Variants in ABCA5 observed in about 807,000 individuals in gnomAD.
ABCA5 encodes cholesterol transporter ABCA5.
A neutral mutation model predicts 206.0 loss-of-function variants in ABCA5; 163 were observed. The ratio of observed to expected loss-of-function variants is 0.79; its 90% CI spans 0.70 to 0.90. The LOEUF is 0.90. Among genes scored for constraint, ABCA5 ranks in the 40% least tolerant of loss-of-function variants. The pLI is 0.00. For synonymous variants in ABCA5, 609 were observed against 613.8 expected (o/e 0.99, Z 0.11); for missense variants, 1,859 against 1,912.9 (o/e 0.97, Z 0.53).
In ABCA5 at chr17:69,294,790, T is replaced by C. The variant is rs558640549; in HGVS notation, c.1437-77A>G. ...TGTGTTTATTTACCATGCATATTTTTATCAATGCTATCACATTTTATAAGA... is the reference window on the plus strand; with the variant it reads ...TGTGTTTATTTACCATGCATATTTTCATCAATGCTATCACATTTTATAAGA... On this transcript the variant is annotated intron_variant, in intron 10 of 38. Transcript: ENST00000392676. 58 of 826,816 alleles carry C rather than the reference T, an allele frequency of 7.0e-5. 1 individual carries two copies. The South Asian group carries it at 1.1e-3, about 15-fold the overall frequency. The allele number at this position is 826,816 out of a possible 1,614,324, so 51.2% of individuals were successfully genotyped here.
chr17:69,269,379 G>A (rs2075246567), intron 22 of ABCA5, among the ~76,000 whole-genome samples: 1 of 152,124 alleles, frequency 6.6e-6, no homozygotes, highest in South Asian at 2.1e-4. Flanking sequence ...TTGGATAGTA[G>A]GTGGTTCGTT....
At position 69,253,592 on chromosome 17, in the gene ABCA5, T is replaced by C. The variant is rs2144895079; in HGVS notation, c.4396A>G (p.Lys1466Glu). 6.2e-7 allele frequency: 1 copy of C among 1,613,678 alleles called. No individual in the cohort carries two copies. The highest frequency in any genetic ancestry group is 1.1e-5 in the South Asian group (1 of 91,072). The stretch of plus-strand genomic sequence containing the variant: ...ACTCACCACATGTGCTGTTTGGCTT[T>C]GGGATCCATACCTGTAGATGGTTCA... ...LDEPSTGMDP[K>E]AKQHMWRAIR... Residue 1466 changes from lysine to glutamate, a missense_variant, in exon 34 of 39, where the codon AAA (lysine) becomes GAA (glutamate). Lys to Glu is a moderately conservative substitution (Grantham distance 56). Transcript: ENST00000392676.
chr17:69,288,950 C>T (rs1008661678), intron 14 of ABCA5, among the ~76,000 whole-genome samples: 23 of 152,034 alleles, frequency 1.5e-4, no homozygotes, highest in African/African-American at 5.3e-4. Context: ...ATAATTCATC[C>T]ATGTAACCAA....
intron 8 of ABCA5, among the ~76,000 whole-genome samples, chr17:69,302,303 T>A (rs970960762): frequency 5.3e-5 from 8 of 152,198 alleles, no homozygotes; most frequent in Admixed American, 4.6e-4. Flanking sequence ...GGCCTACTTA[T>A]TCCACCACTA....
chr17:69,245,558 T>C lies in ABCA5; in HGVS notation c.*1979A>G, dbSNP rs1179365823. ...TTTCTCCTGAGTCAGATTTTGTTAC[T>C]GTGAAAAAGGGAACATAATTTAATT... is the stretch of plus-strand genomic sequence containing the variant. On this transcript the variant is annotated 3_prime_UTR_variant, in exon 39 of 39. Coordinates refer to ENST00000392676, the MANE Select transcript of ABCA5 (RefSeq NM_172232.4). 1 of 151,918 alleles carries C rather than the reference T, an allele frequency of 6.6e-6. No individual in the cohort carries two copies. The highest frequency in any genetic ancestry group is 1.5e-5 in the Non-Finnish European group (1 of 67,830). The allele number at this position is 151,918 out of a possible 1,614,324, so 9.4% of individuals were successfully genotyped here. A position where few individuals can be genotyped will look rare whatever the true frequency, so the allele number is the denominator to read the frequency against.
rs567599072 is a variant in ABCA5 at position 69,249,918 on chromosome 17, A to G, written c.4752T>C (p.Phe1584=). 6 of 1,553,686 alleles carry G rather than the reference A, an allele frequency of 3.9e-6. No homozygotes were observed. The East Asian group carries it at 1.4e-4, about 35-fold the overall frequency. Residue 1584 remains phenylalanine (F), a synonymous_variant, in exon 37 of 39, where the codon TTT becomes TTC. Transcript: ENST00000392676. ...GATACTACTTACCTTCTTCCAGCTT[A>G]AAAAAAGATTGTGAAAGGGACTGAA... ...EDVQSLSQSF[F]KLEEAKHAFA... is the part of the protein sequence containing the mutation.
intron 1 of ABCA5, chr17:69,318,831 G>T: frequency 2.8e-6 from 2 of 705,410 alleles, no homozygotes; most frequent in South Asian, 1.4e-5. Context: ...ATATTGTGGG[G>T]ATTTGATCCC....
In ABCA5 at chr17:69,247,553, T is replaced by C. The variant is rs762221848; in HGVS notation, c.4913A>G (p.Asp1638Gly). ...AATACAAATTCAAAATACTACTCTA[T>C]CTTCTTGTGTTCGTTCCCACCAAAG... ...STLWWERTQE[D>G]RVVF Residue 1638 changes from aspartate (D) to glycine (G), a missense_variant, in exon 39 of 39, where the codon GAT becomes GGT. By Grantham distance (94) the Asp-to-Gly change is moderately conservative (BLOSUM62 -1). Transcript: ENST00000392676. 4.4e-6 allele frequency: 7 copies of C among 1,604,198 alleles called. No individual in the cohort carries two copies. Among genetic ancestry groups the C allele is most frequent in the Admixed American group, 1.7e-5 (1 of 58,358 alleles).
chr17:69,279,141 C>T (rs911335274), intron 18 of ABCA5, among the ~76,000 whole-genome samples: 18 of 152,160 alleles, frequency 1.2e-4, no homozygotes, highest in South Asian at 2.1e-4. Flanking sequence ...AAAACCCCAT[C>T]GTCTCAGCCC....
chr17:69,312,794 G>A (rs1428938161), intron 3 of ABCA5, among the ~76,000 whole-genome samples: 2 of 151,980 alleles, frequency 1.3e-5, no homozygotes, highest in Non-Finnish European at 2.9e-5. Flanking sequence ...GAATCAAAAT[G>A]AAATAGCCCA....
At position 69,324,530 on chromosome 17, in the gene ABCA5, C is replaced by T. The variant is rs1034544647; in HGVS notation, c.-16+2522G>A. Among the ~76,000 whole-genome samples the T allele has an allele frequency of 4.6e-5, 7 of 152,346 alleles. 1 individual carries two copies. In the East Asian group the frequency reaches 1.3e-3, roughly 29 times the overall value. ...TTTGTGCACTCATATCTTTCCTCTA[C>T]TGTACTTTTCACAACTGTGAGTCAT... is the stretch of plus-strand genomic sequence containing the variant. On this transcript the variant is annotated intron_variant, in intron 1 of 38. Coordinates refer to ENST00000392676, the MANE Select transcript of ABCA5 (RefSeq NM_172232.4).
At position 69,277,678 on chromosome 17, in the gene ABCA5, AGAAAT is replaced by A. The variant is rs1351491533; in HGVS notation, c.2552_2556del (p.His851LeufsTer6). 2 of 1,611,780 alleles carry A rather than the reference AGAAAT, an allele frequency of 1.2e-6. No individual in the cohort carries two copies. The highest frequency in any genetic ancestry group is 1.7e-6 in the Non-Finnish European group (2 of 1,179,294). On this transcript the variant is annotated frameshift_variant, in exon 19 of 39. Transcript: ENST00000392676. LOFTEE classifies it high-confidence loss of function. ...GATTTACTTTCACGTTTCAAGGTAA[AGAAAT>A]GAAACTTTGCTATTGTATACATCTG...
At chr17:69,270,014 C>T (rs1381350552) in intron 22 of ABCA5, among the ~76,000 whole-genome samples, 6 of 151,906 alleles carry the variant, frequency 3.9e-5, no homozygotes, top group Non-Finnish European at 8.8e-5. Flanking sequence ...GATGACTGCA[C>T]AACTCTATAA....
At chr17:69,270,381 C>A (rs1174191782) in intron 22 of ABCA5, among the ~76,000 whole-genome samples, 1 of 151,994 alleles carries the variant, frequency 6.6e-6, no homozygotes, top group African/African-American at 2.4e-5. Flanking sequence ...ATAGAACACA[C>A]TTATTCCTTA....
chr17:69,287,832 G>C, intron 14 of ABCA5, 81 bp from the exon 15 acceptor site: 1 of 1,264,270 alleles, frequency 7.9e-7, no homozygotes, highest in African/African-American at 1.5e-5. Context: ...CTAAAAAACT[G>C]CCCCATTTCA....
In ABCA5 at chr17:69,271,229, A is replaced by AG; in HGVS notation, c.2824_2825insC (p.Ile942ThrfsTer2). The AG allele has an allele frequency of 6.2e-7, 1 of 1,613,568 alleles. No individual in the cohort carries two copies. Among genetic ancestry groups the AG allele is most frequent in the Non-Finnish European group, 8.5e-7 (1 of 1,179,662 alleles). ...CACGGATACATAGTCACTGTCATTAATCATCGTCACCATTATGTTCTGGCT... is the reference window on the plus strand; with the variant it reads ...CACGGATACATAGTCACTGTCATTAAGTCATCGTCACCATTATGTTCTGGCT... On this transcript the variant is annotated frameshift_variant, in exon 21 of 39. Coordinates refer to ENST00000392676, the MANE Select transcript of ABCA5 (RefSeq NM_172232.4). LOFTEE classifies it high-confidence loss of function.
At position 69,314,437 on chromosome 17, in the gene ABCA5, A is replaced by G; in HGVS notation, c.-15-7T>C. ...ACATGTTTTCTGAATAAACCTATTA[A>G]AGAGGAAAAACAAACAAACAAACCC... On this transcript the variant is annotated splice_region_variant and splice_polypyrimidine_tract_variant and intron_variant, in intron 1 of 38. Transcript: ENST00000392676. The G allele has an allele frequency of 1.3e-6, 2 of 1,551,232 alleles. No individual in the cohort carries two copies. The highest frequency in any genetic ancestry group is 1.8e-6 in the Non-Finnish European group (2 of 1,130,052).
chr17:69,313,117 T>C lies in ABCA5; in HGVS notation c.282A>G (p.Lys94=), dbSNP rs746359522. The change falls in exon 3 of 39, where the codon AAA becomes AAG. Residue 94 remains lysine, a synonymous_variant. Transcript: ENST00000392676. ...VTNITSSIMQ[K]VSTDHLPDVI... ...CATCAGGTAGATGATCAGTAGACAC[T>C]TTCTGCATGATGCTGCTTGTAATAT... The C allele has an allele frequency of 3.7e-6, 6 of 1,610,570 alleles. No individual in the cohort carries two copies. The highest frequency in any genetic ancestry group is 2.2e-5 in the South Asian group (2 of 90,484).
chr17:69,264,797 G>A lies in ABCA5; in HGVS notation c.3253C>T (p.Leu1085=). The change falls in exon 24 of 39, where the codon CTA becomes TTA. Residue 1085 remains leucine, a synonymous_variant. Coordinates refer to ENST00000392676, the MANE Select transcript of ABCA5 (RefSeq NM_172232.4). ...TAATGAAATGCCAATAAGCTTCCTAGCATCAAAATAAGAATGATAAAAAAT... is the reference window on the plus strand; with the variant it reads ...TAATGAAATGCCAATAAGCTTCCTAACATCAAAATAAGAATGATAAAAAAT... ...PLFFIILILM[L]GSLLAFHYGL... 1 of 1,596,820 alleles carries A rather than the reference G, an allele frequency of 6.3e-7. No homozygotes were observed. Among genetic ancestry groups the A allele is most frequent in the Non-Finnish European group, 8.5e-7 (1 of 1,171,876 alleles).
Sources: allele counts gnomAD v4.1 joint callset (sites outside exome capture counted in the v4.1 genomes callset), GRCh38; gene constraint gnomAD v4.1.1; transcripts MANE v1.5; gene names NCBI Gene and HGNC (gene_info 2026-07-23, HGNC 2026-07-21).